Variants in RER1 observed in about 807,000 individuals in gnomAD.
RER1 encodes the protein protein RER1.
RER1 carries 6 observed loss-of-function variants against 28.3 expected under a neutral mutation model. The ratio of observed to expected loss-of-function variants is 0.21; its 90% confidence interval spans 0.12 to 0.42. The LOEUF is 0.42. RER1 is among the 10% of genes least tolerant of loss of function. RER1 has a pLI of 1.00. For synonymous variants in RER1, 110 were observed against 95.9 expected (o/e 1.15, Z -0.86); for missense variants, 159 against 252.9 (o/e 0.63, Z 2.52).
intron 1 of RER1, chr1:2,394,404 C>T (rs1458973749): frequency 6.6e-6 from 1 of 152,284 alleles, no homozygotes; most frequent in Non-Finnish European, 1.5e-5. Flanking sequence ...GTCTGGCCAC[C>T]TGTTGCCTTC....
chr1:2,403,769 GAC>G lies in RER1; in HGVS notation c.*649_*650del, dbSNP rs2100412474. The G allele has an allele frequency of 6.6e-6, 1 of 152,606 alleles. No homozygotes were observed. Among genetic ancestry groups the G allele is most frequent in the South Asian group, 2.1e-4 (1 of 4,818 alleles). The allele number at this position is 152,606 out of a possible 1,614,324, so 9.5% of individuals were successfully genotyped here. A position where few individuals can be genotyped will look rare whatever the true frequency, so the allele number is the denominator to read the frequency against. ...TATTTTAATTGTTTGAGATTATTTT[GAC>G]ACATTTCTTTGATACGTAGAGTGTT... On this transcript the variant is annotated 3_prime_UTR_variant, in exon 7 of 7. Transcript: ENST00000605895.
In RER1 at chr1:2,405,208, TGTG is replaced by T; in HGVS notation, c.*2087_*2089del. ...CCTTGGTTGGTTTCTCTCTGCCCCGTGTGGTCATCAAGTCCTGGGGGATGTGCT... is the reference window on the plus strand; with the variant it reads ...CCTTGGTTGGTTTCTCTCTGCCCCGTGTCATCAAGTCCTGGGGGATGTGCT... On this transcript the variant is annotated 3_prime_UTR_variant, in exon 7 of 7. Transcript: ENST00000605895. 1 of 205,718 alleles carries T rather than the reference TGTG, an allele frequency of 4.9e-6. No homozygotes were observed. Among genetic ancestry groups the T allele is most frequent in the Non-Finnish European group, 1.0e-5 (1 of 99,912 alleles). 12.7% of individuals were successfully genotyped at this position (205,718 alleles called of 1,614,324 possible).
At chr1:2,401,358 TCCTCCTC>T (rs1570084308) in intron 5 of RER1, among the ~76,000 whole-genome samples, 1 of 4,472 alleles carries the variant, frequency 2.2e-4, no homozygotes, top group Non-Finnish European at 4.8e-4. Flanking sequence ...CCTTCCTCCC[TCCTCCTC>T]CCTCCTTCCT....
At chr1:2,393,765 G>T (rs1030221691) in intron 1 of RER1, among the ~76,000 whole-genome samples, 1 of 152,196 alleles carries the variant, frequency 6.6e-6, no homozygotes, top group African/African-American at 2.4e-5. Flanking sequence ...CCCTGCCTCA[G>T]GCTATTCCTG....
In RER1 at chr1:2,397,447, G is replaced by A. The variant is rs571608239; in HGVS notation, c.186+227G>A. Among the ~76,000 whole-genome samples, 12 of 152,294 alleles carry A rather than the reference G, an allele frequency of 7.9e-5. No homozygotes were observed. The East Asian group carries it at 1.5e-3, about 20-fold the overall frequency. On this transcript the variant is annotated intron_variant, in intron 3 of 6. Transcript: ENST00000605895. Reference sequence around the variant, plus strand: ...CCAGGCTTCTCAGTATACCCAGGCCGTCCTGAGCCCAGCCTGGCCCTGCCC... The same window carrying A: ...CCAGGCTTCTCAGTATACCCAGGCCATCCTGAGCCCAGCCTGGCCCTGCCC...
intron 1 of RER1, among the ~76,000 whole-genome samples, chr1:2,392,703 T>C (rs927782424): frequency 6.6e-6 from 1 of 152,214 alleles, no homozygotes; most frequent in Non-Finnish European, 1.5e-5. Flanking sequence ...CCCAGGAAGA[T>C]GCAGTTATCC....
rs769515976 is a variant in RER1, at chr1:2,403,050, C to T, written c.517C>T (p.Arg173Trp). ...CTCTCCCCAGCACATGATTAAGTACCGGTACATCCCGTTCACACATGGGAA... is the reference window on the plus strand; with the variant it reads ...CTCTCCCCAGCACATGATTAAGTACTGGTACATCCCGTTCACACATGGGAA... ...KRQIKHMIKY[R>W]YIPFTHGKRR... The change falls in exon 7 of 7, where the codon CGG becomes TGG. Residue 173 changes from arginine to tryptophan, a missense_variant. By Grantham distance (101) the Arg-to-Trp change is moderately radical. Transcript: ENST00000605895. The T allele has an allele frequency of 6.2e-7, 1 of 1,613,538 alleles. No homozygotes were observed. The highest frequency in any genetic ancestry group is 8.5e-7 in the Non-Finnish European group (1 of 1,179,740).
intron 5 of RER1, among the ~76,000 whole-genome samples, chr1:2,401,156 T>C (rs577526206): frequency 6.6e-6 from 1 of 151,774 alleles, no homozygotes; most frequent in Non-Finnish European, 1.5e-5. Context: ...TGGGATGGAG[T>C]GCGCACCGGC....
intron 6 of RER1, among the ~76,000 whole-genome samples, 167 bp downstream of exon 6, chr1:2,402,509 A>T (rs75671641): frequency 7.1e-6 from 1 of 141,578 alleles, no homozygotes; most frequent in East Asian, 2.1e-4. Context: ...CTCCGTTCCC[A>T]GCACGGCCGG....
chr1:2,397,033 C>T, intron 2 of RER1, 83 bp from the exon 3 acceptor site: 3 of 853,432 alleles, frequency 3.5e-6, no homozygotes, highest in Admixed American at 2.1e-5. Flanking sequence ...GAAAGCCAAC[C>T]CTAGCAGAAG....
chr1:2,405,392 G>T lies in RER1; in HGVS notation c.*2268G>T. 2.6e-6 allele frequency: 1 copy of T among 386,528 alleles called. No individual in the cohort carries two copies. The highest frequency in any genetic ancestry group is 5.0e-6 in the Non-Finnish European group (1 of 201,104). 23.9% of individuals were successfully genotyped at this position (386,528 alleles called of 1,614,324 possible). A position where few individuals can be genotyped will look rare whatever the true frequency, so the allele number is the denominator to read the frequency against. On this transcript the variant is annotated 3_prime_UTR_variant, in exon 7 of 7. Coordinates refer to ENST00000605895, the MANE Select transcript of RER1 (RefSeq NM_007033.5). Reference sequence around the variant, plus strand: ...CATTGCCTTAACACAAGCCTGATGGGGCTGTTTTCTCACAATATAAACGAA... The same window carrying T: ...CATTGCCTTAACACAAGCCTGATGGTGCTGTTTTCTCACAATATAAACGAA...
rs756444157 is a variant in RER1, at chr1:2,402,362, G to A, written c.501+20G>A. 4.3e-6 allele frequency: 7 copies of A among 1,613,562 alleles called. No homozygotes were observed. In the Admixed American group the frequency reaches 6.7e-5, roughly 15 times the overall value. ...ATCAAGGTAAAGCAGAGGCGCTGCC[G>A]CCACGCCGGCCGCAATCGCTGTTCT... On this transcript the variant is annotated intron_variant, in intron 6 of 6. Coordinates refer to ENST00000605895, the MANE Select transcript of RER1 (RefSeq NM_007033.5).
rs780781755 is a variant in RER1 at position 2,397,233 on chromosome 1, T to C, written c.186+13T>C. ...TTACCTGCTGCAGGTAGGTGTGGGC[T>C]GAAGTGACGAGACTTGGCTCTGTCC... On this transcript the variant is annotated intron_variant, in intron 3 of 6. Transcript: ENST00000605895. The C allele has an allele frequency of 6.3e-6, 10 of 1,576,338 alleles. No homozygotes were observed. The Admixed American group carries it at 1.2e-4, about 18-fold the overall frequency.
chr1:2,402,924 C>G lies in RER1; in HGVS notation c.502-111C>G. ...GGAAGCCACTGGGGCTCCGATTCCA[C>G]TTGTCTGATGTATAGAAAAGATGGG... On this transcript the variant is annotated intron_variant, in intron 6 of 6. Coordinates refer to ENST00000605895, the MANE Select transcript of RER1 (RefSeq NM_007033.5). The G allele has an allele frequency of 3.6e-6, 3 of 845,028 alleles. No homozygotes were observed. In the South Asian group the frequency reaches 4.8e-5, roughly 14 times the overall value. The allele number at this position is 845,028 out of a possible 1,614,324, so 52.3% of individuals were successfully genotyped here. A position where few individuals can be genotyped will look rare whatever the true frequency, so the allele number is the denominator to read the frequency against.
intron 5 of RER1, among the ~76,000 whole-genome samples, chr1:2,401,475 T>G (rs1028815009): frequency 1.5e-5 from 2 of 133,562 alleles, no homozygotes; most frequent in Non-Finnish European, 3.2e-5. Flanking sequence ...GGGACTAGCC[T>G]TCTCCTGGAG....
At chr1:2,399,037 C>G (rs1366406893) in intron 3 of RER1, among the ~76,000 whole-genome samples, 2 of 152,200 alleles carry the variant, frequency 1.3e-5, no homozygotes, top group African/African-American at 2.4e-5. Context: ...GCCAGCATCG[C>G]TCAGGTGCCC....
intron 5 of RER1, chr1:2,401,812 G>T: frequency 1.9e-6 from 1 of 521,242 alleles, no homozygotes. Flanking sequence ...CATGTGCTGG[G>T]ACGGGAGGGA....
At chr1:2,392,766 C>G (rs1642703465) in intron 1 of RER1, among the ~76,000 whole-genome samples, 1 of 152,160 alleles carries the variant, frequency 6.6e-6, no homozygotes, top group East Asian at 1.9e-4. Flanking sequence ...TGGCTTCTGC[C>G]GTATGCCTGA....
chr1:2,402,398 G>A, intron 6 of RER1, 56 bp downstream of exon 6: 1 of 1,609,866 alleles, frequency 6.2e-7, no homozygotes, highest in Non-Finnish European at 8.5e-7. Flanking sequence ...GTTACCCGCA[G>A]CATTGGGGGA....
Sources: allele counts gnomAD v4.1 joint callset (sites outside exome capture counted in the v4.1 genomes callset), GRCh38; gene constraint gnomAD v4.1.1; transcripts MANE v1.5; gene names NCBI Gene and HGNC (gene_info 2026-07-23, HGNC 2026-07-21).